IMMP2L: variants seen among roughly 807,000 people sequenced by gnomAD.
IMMP2L encodes inner mitochondrial membrane peptidase subunit 2, also known as mitochondrial inner membrane protease subunit 2.
IMMP2L carries 18 observed loss-of-function variants against 19.3 expected under a neutral mutation model. The observed-to-expected ratio is 0.93, with a 90% CI of 0.64 to 1.38. The LOEUF (loss-of-function observed/expected upper bound fraction) is 1.38, where lower values mean the gene tolerates loss of function less well. IMMP2L is among the 40% of genes most tolerant of loss of function. The probability of loss-of-function intolerance (pLI) is 0.00; values close to 1 mark genes in which losing one functional copy is unlikely to be tolerated. For synonymous variants in IMMP2L, 76 were observed against 73.0 expected, an observed-to-expected ratio of 1.04 and a Z score of -0.21; for missense variants, 233 against 218.2, an observed-to-expected ratio of 1.07 and a Z score of -0.43.
chr7:111,056,352 G>A (rs919280304), intron 3 of IMMP2L, among the ~76,000 whole-genome samples: 1 of 152,134 alleles, frequency 6.6e-6, no homozygotes, highest in Non-Finnish European at 1.5e-5. Context: ...TTAAGATGAA[G>A]CCTGAGATGT....
In IMMP2L at chr7:110,672,981, T is replaced by C. The variant is rs568983491; in HGVS notation, c.409-9260A>G. 8.6e-4 allele frequency among the ~76,000 whole-genome samples: 131 copies of C among 152,270 alleles called. 1 individual carries two copies. Among genetic ancestry groups the C allele is most frequent in the African/African-American group, 2.9e-3 (120 of 41,566 alleles). On this transcript the variant is annotated intron_variant, in intron 5 of 5. Coordinates refer to ENST00000405709, the MANE Select transcript of IMMP2L (RefSeq NM_032549.4). Reference sequence around the variant, plus strand: ...GGTGGCCCTCTTCTCACAGTTCCACTAGGCAGTGCCCCAGTGGGGACTCTG... The same window carrying C: ...GGTGGCCCTCTTCTCACAGTTCCACCAGGCAGTGCCCCAGTGGGGACTCTG...
intron 3 of IMMP2L, among the ~76,000 whole-genome samples, chr7:111,357,058 T>C (rs1000931049): frequency 2.0e-5 from 3 of 152,094 alleles, no homozygotes; most frequent in Admixed American, 2.0e-4. Context: ...ACAAGATTAC[T>C]ATCAACTGGT....
intron 3 of IMMP2L, among the ~76,000 whole-genome samples, chr7:111,333,026 C>T (rs1462641951): frequency 4.6e-5 from 7 of 151,978 alleles, no homozygotes; most frequent in Non-Finnish European, 1.0e-4. Context: ...TGGGAAACTA[C>T]AACAGCCCAA....
At chr7:110,860,338 C>G (rs1402178039) in intron 5 of IMMP2L, among the ~76,000 whole-genome samples, 5 of 151,672 alleles carry the variant, frequency 3.3e-5, no homozygotes, top group Non-Finnish European at 7.4e-5. Context: ...AAAATATTAC[C>G]TCCTATTGAG....
At chr7:111,277,408 A>T (rs1819196132) in intron 3 of IMMP2L, among the ~76,000 whole-genome samples, 1 of 152,062 alleles carries the variant, frequency 6.6e-6, no homozygotes, top group Admixed American at 6.6e-5. Context: ...ATTTTACACC[A>T]GTCAGAATGA....
chr7:110,949,659 T>G (rs1330409001), intron 4 of IMMP2L, among the ~76,000 whole-genome samples: 1 of 150,758 alleles, frequency 6.6e-6, no homozygotes, highest in Non-Finnish European at 1.5e-5. Flanking sequence ...ATTTCTCAGA[T>G]AGTATGGCCT....
intron 4 of IMMP2L, among the ~76,000 whole-genome samples, chr7:110,956,220 A>C (rs1818338651): frequency 6.6e-6 from 1 of 152,060 alleles, no homozygotes; most frequent in Non-Finnish European, 1.5e-5. Flanking sequence ...TTAGACTCAA[A>C]GACAAATTGT....
chr7:111,397,867 C>T (rs1013231369), intron 3 of IMMP2L, among the ~76,000 whole-genome samples: 2 of 151,948 alleles, frequency 1.3e-5, no homozygotes, highest in Non-Finnish European at 2.9e-5. Flanking sequence ...TTTCATTTTG[C>T]ATAATCAAAT....
chr7:111,076,817 G>A (rs754524573), intron 3 of IMMP2L, among the ~76,000 whole-genome samples: 41 of 152,294 alleles, frequency 2.7e-4, no homozygotes, highest in African/African-American at 8.7e-4. Context: ...ACAAGGGTAC[G>A]TCAGAATACA....
At chr7:111,134,884 A>G (rs1016490272) in intron 3 of IMMP2L, among the ~76,000 whole-genome samples, 2 of 152,106 alleles carry the variant, frequency 1.3e-5, no homozygotes, top group African/African-American at 4.8e-5. Context: ...AGAGGACTCC[A>G]TCTCACCACA....
At chr7:110,923,612 A>G (rs888450000) in intron 4 of IMMP2L, among the ~76,000 whole-genome samples, 101 of 152,326 alleles carry the variant, frequency 6.6e-4, no homozygotes, top group African/African-American at 2.2e-3. Context: ...AGAATTCACT[A>G]AGCCTTTTAT....
At chr7:111,428,969 A>G (rs1310880465) in intron 3 of IMMP2L, among the ~76,000 whole-genome samples, 1 of 151,874 alleles carries the variant, frequency 6.6e-6, no homozygotes, top group East Asian at 1.9e-4. Context: ...GTATCAGATA[A>G]AACGCGAATG....
chr7:111,286,309 G>T (rs535527597), intron 3 of IMMP2L, among the ~76,000 whole-genome samples: 115 of 152,182 alleles, frequency 7.6e-4, no homozygotes, highest in Admixed American at 4.2e-3. Flanking sequence ...TTTCTCCTAT[G>T]GTTGTTCATA....
intron 3 of IMMP2L, among the ~76,000 whole-genome samples, chr7:111,418,437 G>A (rs1358271948): frequency 6.6e-6 from 1 of 151,576 alleles, no homozygotes; most frequent in Non-Finnish European, 1.5e-5. Context: ...CATTGTCACT[G>A]AATTCTAGGA....
At chr7:110,832,216 G>A (rs1019607916) in intron 5 of IMMP2L, among the ~76,000 whole-genome samples, 2 of 152,102 alleles carry the variant, frequency 1.3e-5, no homozygotes, top group African/African-American at 2.4e-5. Context: ...AGCCGAGATT[G>A]CACCACTGCA....
At position 111,406,977 on chromosome 7, in the gene IMMP2L, G is replaced by T. The variant is rs145720120; in HGVS notation, c.239+80261C>A. 4.8e-3 allele frequency among the ~76,000 whole-genome samples: 736 copies of T among 152,206 alleles called. 24 individuals are homozygous for T. The highest frequency in any genetic ancestry group is 0.042 in the Admixed American group (644 of 15,260). Reference sequence around the variant, plus strand: ...TGAAAATTATCCCACATGAGGAAAAGAGACAGGGTCTTTGAGCCGACATAT... The same window carrying T: ...TGAAAATTATCCCACATGAGGAAAATAGACAGGGTCTTTGAGCCGACATAT... On this transcript the variant is annotated intron_variant, in intron 3 of 5. Coordinates refer to ENST00000405709, the MANE Select transcript of IMMP2L (RefSeq NM_032549.4).
intron 3 of IMMP2L, among the ~76,000 whole-genome samples, chr7:111,030,515 G>A (rs916109140): frequency 6.6e-6 from 1 of 152,056 alleles, no homozygotes; most frequent in African/African-American, 2.4e-5. Context: ...ACAAACATGA[G>A]GAAGTCAGAG....
At chr7:110,805,374 C>G (rs1413174076) in intron 5 of IMMP2L, among the ~76,000 whole-genome samples, 1 of 151,780 alleles carries the variant, frequency 6.6e-6, no homozygotes, top group Non-Finnish European at 1.5e-5. Context: ...AGAAAAAATT[C>G]CTGGAATAAA....
At chr7:110,717,383 T>C (rs1795296719) in intron 5 of IMMP2L, among the ~76,000 whole-genome samples, 1 of 152,210 alleles carries the variant, frequency 6.6e-6, no homozygotes, top group East Asian at 1.9e-4. Flanking sequence ...GAGAAAGGCA[T>C]GAACCCAGGA....
Sources: allele counts gnomAD v4.1 joint callset (sites outside exome capture counted in the v4.1 genomes callset), GRCh38; gene constraint gnomAD v4.1.1; transcripts MANE v1.5; gene names NCBI Gene and HGNC (gene_info 2026-07-23, HGNC 2026-07-21).